The following NME8 variants were observed in gnomAD, a reference collection of about 807,000 sequenced individuals.
The protein encoded by NME8 is NME/NM23 family member 8.
Under a neutral mutation model 82.3 loss-of-function variants are expected in NME8, and 72 were observed. The observed-to-expected ratio is 0.87, with a 90% CI of 0.72 to 1.06. The LOEUF is 1.06. NME8 is among the 50% of genes least tolerant of loss of function. NME8 has a pLI of 0.00. For missense variants in NME8, 712 were observed against 685.4 expected (o/e 1.04, Z -0.43); for synonymous variants, 267 against 228.5 (o/e 1.17, Z -1.52).
intron 11 of NME8, among the ~76,000 whole-genome samples, chr7:37,874,589 C>A (rs2131957923): frequency 6.6e-6 from 1 of 152,002 alleles, no homozygotes; most frequent in African/African-American, 2.4e-5. Flanking sequence ...GAGCAGTTTG[C>A]TCAGACCAGC....
chr7:37,864,298 A>C, intron 8 of NME8, 50 bp from the exon 9 acceptor site: 19 of 1,554,634 alleles, frequency 1.2e-5, no homozygotes, highest in Non-Finnish European at 1.6e-5. Flanking sequence ...CATTATCCAG[A>C]CTTCGTGCCA....
At chr7:37,886,336 G>A (rs189378809) in intron 14 of NME8, among the ~76,000 whole-genome samples, 237 of 152,284 alleles carry the variant, frequency 1.6e-3, no homozygotes, top group African/African-American at 5.5e-3. Context: ...ACCAAGTGTG[G>A]AGGCTCTCAG....
At chr7:37,853,544 A>C (rs1189059514) in intron 5 of NME8, among the ~76,000 whole-genome samples, 2 of 152,216 alleles carry the variant, frequency 1.3e-5, no homozygotes, top group African/African-American at 4.8e-5. Flanking sequence ...ATTGAGGATC[A>C]GGAAATTCTT....
intron 7 of NME8, among the ~76,000 whole-genome samples, chr7:37,862,847 C>T (rs1231851385): frequency 6.6e-6 from 1 of 151,958 alleles, no homozygotes; most frequent in Non-Finnish European, 1.5e-5. Flanking sequence ...TGGCTGGGTG[C>T]GGTAGCTCAC....
chr7:37,879,569 T>A (rs1784911222), intron 12 of NME8, among the ~76,000 whole-genome samples: 1 of 152,252 alleles, frequency 6.6e-6, no homozygotes, highest in Non-Finnish European at 1.5e-5. Flanking sequence ...ATTGTATGTA[T>A]GCAACTAAGT....
At chr7:37,879,621 CCA>C (rs749874330) in intron 12 of NME8, among the ~76,000 whole-genome samples, 5 of 152,108 alleles carry the variant, frequency 3.3e-5, no homozygotes, top group Admixed American at 2.6e-4. Flanking sequence ...TTGGTTGCTT[CCA>C]GTTTTCAGCC....
At chr7:37,881,448 G>T (rs537510897) in intron 12 of NME8, among the ~76,000 whole-genome samples, 1 of 151,994 alleles carries the variant, frequency 6.6e-6, no homozygotes, top group Admixed American at 6.5e-5. Context: ...TATTAGTGGC[G>T]ATTATGTTAA....
At chr7:37,878,418 T>A (rs1393423428) in intron 12 of NME8, among the ~76,000 whole-genome samples, 1 of 152,178 alleles carries the variant, frequency 6.6e-6, no homozygotes, top group African/African-American at 2.4e-5. Context: ...TCTTTTCTTG[T>A]AATGTTTTTA....
At chr7:37,863,572 G>A (rs1583630196) in intron 8 of NME8, 110 bp downstream of exon 8, 2 of 738,162 alleles carry the variant, frequency 2.7e-6, no homozygotes, top group African/African-American at 1.7e-5. Flanking sequence ...TTATTAAGGA[G>A]GAATTATTCA....
At chr7:37,884,560 C>A in intron 13 of NME8, 113 bp downstream of exon 13, 1 of 869,580 alleles carries the variant, frequency 1.1e-6, no homozygotes, top group Non-Finnish European at 1.9e-6. Context: ...TAAACATGTT[C>A]TGAGTTTACT....
intron 11 of NME8, among the ~76,000 whole-genome samples, chr7:37,874,946 T>C (rs1022845155): frequency 1.3e-5 from 2 of 152,114 alleles, no homozygotes; most frequent in African/African-American, 4.8e-5. Context: ...TCACCAATAA[T>C]GGGAAAAACT....
chr7:37,883,225 G>A (rs1173839987), intron 12 of NME8, among the ~76,000 whole-genome samples: 1 of 152,022 alleles, frequency 6.6e-6, no homozygotes, highest in Non-Finnish European at 1.5e-5. Context: ...AATTGCTTGG[G>A]GATTGGTTGT....
intron 16 of NME8, among the ~76,000 whole-genome samples, chr7:37,894,885 CTTTCCTTTCT>C (rs1190281431): frequency 6.6e-6 from 1 of 150,962 alleles, no homozygotes; most frequent in East Asian, 1.9e-4. Flanking sequence ...CTTCCCTTTC[CTTTCCTTTCT>C]TTTCCTTTCC....
rs761025329 is a variant in NME8, at chr7:37,865,757, A to G, written c.621+140A>G. ...TCCTGGTGTCCCTGTTGGTGTCCAT[A>G]TCATGGAGATGCCAATGATAGTGGC... is the stretch of plus-strand genomic sequence containing the variant. On this transcript the variant is annotated intron_variant, in intron 10 of 17. Transcript: ENST00000199447. The G allele has an allele frequency of 9.1e-4, 597 of 656,150 alleles. 3 individuals are homozygous for G. Among genetic ancestry groups the G allele is most frequent in the Non-Finnish European group, 2.9e-4 (105 of 364,622 alleles). 40.6% of individuals were successfully genotyped at this position (656,150 alleles called of 1,614,324 possible).
chr7:37,897,706 T>C (rs12666820), intron 17 of NME8, among the ~76,000 whole-genome samples: 84,770 of 148,406 alleles, frequency 0.57, 24,655 homozygotes, highest in African/African-American at 0.67. Context: ...TGTTGTTCCC[T>C]TCTCTGTGTC....
intron 13 of NME8, among the ~76,000 whole-genome samples, chr7:37,884,704 G>T (rs191009684): frequency 1.3e-5 from 2 of 152,334 alleles, no homozygotes; most frequent in Admixed American, 1.3e-4. Flanking sequence ...AACACCAGAA[G>T]TCCAGGGTGT....
chr7:37,864,370 T>C lies in NME8; in HGVS notation c.477T>C (p.Ile159=). 1 of 1,592,076 alleles carries C rather than the reference T, an allele frequency of 6.3e-7. No homozygotes were observed. Among genetic ancestry groups the C allele is most frequent in the Non-Finnish European group, 8.6e-7 (1 of 1,163,000 alleles). The change falls in exon 9 of 18, where the codon ATT becomes ATC. Residue 159 remains isoleucine, a synonymous_variant. Coordinates refer to ENST00000199447, the MANE Select transcript of NME8 (RefSeq NM_016616.5). Reference sequence around the variant, plus strand: ...CAGAGGAATTATACAGTATTGCTATTATCAAACCGGATGCTGTGATTAGTA... The same window carrying C: ...CAGAGGAATTATACAGTATTGCTATCATCAAACCGGATGCTGTGATTAGTA... ...ESVQELYSIA[I]IKPDAVISKK... is the part of the protein sequence containing the mutation.
intron 5 of NME8, among the ~76,000 whole-genome samples, chr7:37,856,004 G>A (rs1462363746): frequency 3.3e-5 from 5 of 151,810 alleles, no homozygotes; most frequent in Non-Finnish European, 7.4e-5. Flanking sequence ...AACTTCAGCT[G>A]CAGACCTCAA....
chr7:37,867,871 C>T lies in NME8; in HGVS notation c.791C>T (p.Pro264Leu). Residue 264 changes from proline (P) to leucine (L), a missense_variant, in exon 11 of 18, where the codon CCT (proline) becomes CTT (leucine). By Grantham distance (98) the Pro-to-Leu change is moderately conservative (BLOSUM62 -3). Coordinates refer to ENST00000199447, the MANE Select transcript of NME8 (RefSeq NM_016616.5). The stretch of plus-strand genomic sequence containing the variant: ...CCTGAGGTCGAAGCCCAGGTTACAC[C>T]TGGAATGATGAAGAACAAACAAGAC... Reference protein sequence around the residue: ...DQPEVEAQVTPGMMKNKQDSL... With the variant: ...DQPEVEAQVTLGMMKNKQDSL... 4 of 1,613,758 alleles carry T rather than the reference C, an allele frequency of 2.5e-6. No homozygotes were observed. Among genetic ancestry groups the T allele is most frequent in the Non-Finnish European group, 3.4e-6 (4 of 1,179,810 alleles).
Sources: allele counts gnomAD v4.1 joint callset (sites outside exome capture counted in the v4.1 genomes callset), GRCh38; gene constraint gnomAD v4.1.1; transcripts MANE v1.5; gene names NCBI Gene and HGNC (gene_info 2026-07-23, HGNC 2026-07-21).